Variants in FMO5 observed in about 807,000 individuals in gnomAD.
The protein encoded by FMO5 is flavin-containing monooxygenase 5.
A neutral mutation model predicts 43.6 loss-of-function variants in FMO5; 51 were observed. The observed-to-expected ratio is 1.17, with a 90% CI of 0.93 to 1.48. The LOEUF is 1.48. Among genes scored for constraint, FMO5 ranks in the 40% most tolerant of loss-of-function variants. The pLI, the probability that FMO5 is intolerant of heterozygous loss-of-function variation, is 0.00. For synonymous variants in FMO5, 187 were observed against 216.5 expected (o/e 0.86, Z 1.20); for missense variants, 644 against 643.0 (o/e 1.00, Z -0.02).
chr1:147,227,279 T>C (rs1039137469), upstream of FMO5, among the ~76,000 whole-genome samples: 5 of 152,250 alleles, frequency 3.3e-5, no homozygotes, highest in African/African-American at 7.2e-5. Flanking sequence ...TAAAATGAAT[T>C]ACTTGTAAAT....
At chr1:147,199,803 G>T (rs1341512327) in intron 7 of FMO5, among the ~76,000 whole-genome samples, 1 of 152,126 alleles carries the variant, frequency 6.6e-6, no homozygotes, top group African/African-American at 2.4e-5. Flanking sequence ...ATTTAGAAAG[G>T]TTGTTGAACT....
At chr1:147,193,470 T>C (rs1657307599) in intron 7 of FMO5, among the ~76,000 whole-genome samples, 1 of 152,174 alleles carries the variant, frequency 6.6e-6, no homozygotes, top group Admixed American at 6.5e-5. Flanking sequence ...CCTGGATTCA[T>C]TAATTTTTTG....
In FMO5 at chr1:147,207,303, A is replaced by C. The variant is rs28381202; in HGVS notation, c.830+1549T>G. Among the ~76,000 whole-genome samples the C allele has an allele frequency of 6.0e-3, 909 of 152,330 alleles. 4 individuals are homozygous for C. Among genetic ancestry groups the C allele is most frequent in the Middle Eastern group, 0.01 (3 of 294 alleles). On this transcript the variant is annotated intron_variant, in intron 6 of 8. Coordinates refer to ENST00000254090, the MANE Select transcript of FMO5 (RefSeq NM_001461.4). ...GATGGGGAAAGGAAGCAAATATAGC[A>C]AACTTAACAGGTGAATCCAGGTGAA...
At chr1:147,199,608 A>G (rs1419097011) in intron 7 of FMO5, among the ~76,000 whole-genome samples, 13 of 152,184 alleles carry the variant, frequency 8.5e-5, no homozygotes, top group Non-Finnish European at 1.3e-4. Flanking sequence ...AAAGTATACT[A>G]AGATGCTGTG....
chr1:147,199,353 A>G (rs1281776701), intron 7 of FMO5, among the ~76,000 whole-genome samples: 1 of 152,192 alleles, frequency 6.6e-6, no homozygotes, highest in African/African-American at 2.4e-5. Context: ...CAGAATAAAA[A>G]ACCCAGAGTT....
intron 6 of FMO5, chr1:147,203,518 TAA>T (rs1490410748): frequency 1.0e-5 from 9 of 884,974 alleles, no homozygotes; most frequent in Non-Finnish European, 1.8e-5. Flanking sequence ...AGGTACTGCA[TAA>T]AGTTTAGAGA....
At position 147,186,680 on chromosome 1, in the gene FMO5, C is replaced by T; in HGVS notation, c.*220G>A. The T allele has an allele frequency of 2.2e-6, 3 of 1,369,034 alleles. No homozygotes were observed. Among genetic ancestry groups the T allele is most frequent in the South Asian group, 1.7e-5 (1 of 57,816 alleles). The allele number at this position is 1,369,034 out of a possible 1,614,324, so 84.8% of individuals were successfully genotyped here. A position where few individuals can be genotyped will look rare whatever the true frequency, so the allele number is the denominator to read the frequency against. ...ACCTGAGCTCCCAGTCTAGGGATTACCACAAGGAAGAGTGACGGATCATGA... is the reference window on the plus strand; with the variant it reads ...ACCTGAGCTCCCAGTCTAGGGATTATCACAAGGAAGAGTGACGGATCATGA... On this transcript the variant is annotated 3_prime_UTR_variant, in exon 9 of 9. Transcript: ENST00000254090.
At chr1:147,218,397 G>A (rs1553925517) in intron 2 of FMO5, among the ~76,000 whole-genome samples, 1 of 143,864 alleles carries the variant, frequency 7.0e-6, no homozygotes, top group African/African-American at 2.7e-5. Context: ...CACTATGCCT[G>A]GCTAATTTTT....
At chr1:147,192,868 G>T (rs1402342929) in intron 7 of FMO5, among the ~76,000 whole-genome samples, 1 of 152,134 alleles carries the variant, frequency 6.6e-6, no homozygotes, top group Non-Finnish European at 1.5e-5. Flanking sequence ...AAGCCCACTT[G>T]ATCATGGCAG....
Position 147,190,258 on chromosome 1 carries a change from A to G in FMO5, c.1184-9T>C. 1.3e-6 allele frequency: 2 copies of G among 1,550,006 alleles called. No homozygotes were observed. Among genetic ancestry groups the G allele is most frequent in the Non-Finnish European group, 1.8e-6 (2 of 1,125,166 alleles). On this transcript the variant is annotated splice_polypyrimidine_tract_variant and intron_variant, in intron 7 of 8. Transcript: ENST00000254090. ...GGGCAATGTCTTTAGACCTAAAAAC[A>G]AAAATTAACATTTTAACTGTAAAAT...
At chr1:147,196,472 C>A (rs915286978) in intron 7 of FMO5, among the ~76,000 whole-genome samples, 1 of 151,530 alleles carries the variant, frequency 6.6e-6, no homozygotes, top group African/African-American at 2.4e-5. Flanking sequence ...GTGGGAGACA[C>A]CCAATTCATA....
rs587597581 is a variant in FMO5, at chr1:147,191,370, G to A, written c.1184-1121C>T. On this transcript the variant is annotated intron_variant, in intron 7 of 8. Coordinates refer to ENST00000254090, the MANE Select transcript of FMO5 (RefSeq NM_001461.4). ...GTTGTTTCCTGACTTTTTAATGATC[G>A]CCATTCTAACTGGTGTGAGATGGTA... 3.0e-3 allele frequency among the ~76,000 whole-genome samples: 455 copies of A among 152,120 alleles called. 2 individuals carry two copies. Among genetic ancestry groups the A allele is most frequent in the African/African-American group, 0.01 (433 of 41,478 alleles).
chr1:147,192,907 A>G (rs1256606141), intron 7 of FMO5, among the ~76,000 whole-genome samples: 1 of 152,146 alleles, frequency 6.6e-6, no homozygotes, highest in Non-Finnish European at 1.5e-5. Context: ...TGCTGGATTC[A>G]GTTTGCCAGT....
At position 147,224,923 on chromosome 1, in the gene FMO5, TCA is replaced by T. The variant is rs782619354; in HGVS notation, c.105_106del (p.Asp36Ter). ...GAACCTCCAGAGCCCTCCGATGTCA[TCA>T]GTCCTTTCAAAGCAGACAGGTTCCA... On this transcript the variant is annotated frameshift_variant, in exon 2 of 9. Transcript: ENST00000254090. LOFTEE classifies it high-confidence loss of function. 2 of 1,613,904 alleles carry T rather than the reference TCA, an allele frequency of 1.2e-6. No individual in the cohort carries two copies. The highest frequency in any genetic ancestry group is 2.7e-5 in the African/African-American group (2 of 74,850).
At chr1:147,221,175 C>A (rs1662950024) in intron 2 of FMO5, among the ~76,000 whole-genome samples, 1 of 151,982 alleles carries the variant, frequency 6.6e-6, no homozygotes, top group Admixed American at 6.6e-5. Flanking sequence ...CCAAAAAGAG[C>A]CTAAGGAGAT....
intron 7 of FMO5, among the ~76,000 whole-genome samples, chr1:147,193,982 C>T (rs1229254109): frequency 4.6e-5 from 7 of 151,958 alleles, no homozygotes; most frequent in East Asian, 3.9e-4. Flanking sequence ...ATGTATATTC[C>T]GTTGATTTGG....
rs782504617 is a variant in FMO5 at position 147,212,546 on chromosome 1, AG to A, written c.488-12del. 1 of 1,608,638 alleles carries A rather than the reference AG, an allele frequency of 6.2e-7. No homozygotes were observed. The highest frequency in any genetic ancestry group is 8.5e-7 in the Non-Finnish European group (1 of 1,177,926). ...TGAACTTCTCAATTCCTGCAAGAGA[AG>A]GGAAAATAATTATTGGGTAATGGTT... On this transcript the variant is annotated splice_polypyrimidine_tract_variant and intron_variant, in intron 4 of 8. Transcript: ENST00000254090.
intron 6 of FMO5, chr1:147,203,626 G>T: frequency 8.0e-7 from 1 of 1,244,872 alleles, no homozygotes; most frequent in Non-Finnish European, 1.2e-6. Flanking sequence ...TCTTAATAGC[G>T]TACTGTTCAA....
At chr1:147,203,887 A>G (rs1659493592) in intron 6 of FMO5, 4 of 1,578,600 alleles carry the variant, frequency 2.5e-6, no homozygotes, top group Admixed American at 1.7e-5. Context: ...AGAGGTAAAC[A>G]CTGTCTCAGT....
Sources: allele counts gnomAD v4.1 joint callset (sites outside exome capture counted in the v4.1 genomes callset), GRCh38; gene constraint gnomAD v4.1.1; transcripts MANE v1.5; gene names NCBI Gene and HGNC (gene_info 2026-07-23, HGNC 2026-07-21).